Variants in SPIDR observed in about 807,000 individuals in gnomAD.
SPIDR encodes the protein DNA repair-scaffolding protein.
A neutral mutation model predicts 104.6 loss-of-function variants in SPIDR; 93 were observed. The ratio of observed to expected loss-of-function variants is 0.89; its 90% CI spans 0.75 to 1.06. SPIDR has a LOEUF of 1.06. SPIDR is among the 50% of genes least tolerant of loss of function. SPIDR has a pLI of 0.00. For missense variants in SPIDR, 1,154 were observed against 1,111.2 expected (o/e 1.04, Z -0.55); for synonymous variants, 431 against 416.9 (o/e 1.03, Z -0.41).
intron 19 of SPIDR, among the ~76,000 whole-genome samples, chr8:47,730,852 C>G (rs1415985516): frequency 3.9e-5 from 6 of 152,226 alleles, no homozygotes; most frequent in Admixed American, 6.5e-5. Context: ...CCTCTCTCAT[C>G]TAAACCATGT....
intron 10 of SPIDR, among the ~76,000 whole-genome samples, chr8:47,644,035 G>A (rs557330958): frequency 2.0e-5 from 3 of 152,208 alleles, no homozygotes; most frequent in Admixed American, 2.0e-4. Context: ...GGAACTTACG[G>A]GCTGTACCCT....
intron 14 of SPIDR, among the ~76,000 whole-genome samples, chr8:47,706,118 C>T (rs1419844365): frequency 1.3e-5 from 2 of 152,134 alleles, no homozygotes; most frequent in African/African-American, 2.4e-5. Context: ...ACCAGCTGGG[C>T]GCGGTGGCTC....
chr8:47,722,185 TTGAG>T (rs2083498128), intron 16 of SPIDR, among the ~76,000 whole-genome samples: 1 of 152,228 alleles, frequency 6.6e-6, no homozygotes, highest in Admixed American at 6.5e-5. Flanking sequence ...CAATCGTTCA[TTGAG>T]TTTCATAGGA....
chr8:47,669,241 A>G (rs2075447957), intron 10 of SPIDR, among the ~76,000 whole-genome samples: 1 of 152,188 alleles, frequency 6.6e-6, no homozygotes, highest in African/African-American at 2.4e-5. Context: ...TTCTGCTCAG[A>G]CCTGTCACAC....
chr8:47,597,664 C>T (rs2061777783), intron 9 of SPIDR, among the ~76,000 whole-genome samples: 1 of 152,270 alleles, frequency 6.6e-6, no homozygotes, highest in Admixed American at 6.5e-5. Context: ...TCATATTTTG[C>T]TTTTCCACAA....
At chr8:47,713,671 T>A (rs777886530) in intron 16 of SPIDR, 30 bp downstream of exon 16, 12 of 1,612,182 alleles carry the variant, frequency 7.4e-6, no homozygotes, top group Non-Finnish European at 1.0e-5. Context: ...GAATTGGTGC[T>A]TATACTTTCT....
At position 47,261,053 on chromosome 8, in the gene SPIDR, CGGCGCGGGGCT is replaced by C. The variant is rs1045064688; in HGVS notation, c.33+66_33+76del. On this transcript the variant is annotated intron_variant, in intron 1 of 19. Coordinates refer to ENST00000297423, the MANE Select transcript of SPIDR (RefSeq NM_001080394.4). ...CCCGCGTTGCGGGGAAGCGGCGGGC[CGGCGCGGGGCT>C]GGCCCCGTTGTGCTGGGGTGAGAGA... is the stretch of plus-strand genomic sequence containing the variant. 70 of 1,224,720 alleles carry C rather than the reference CGGCGCGGGGCT, an allele frequency of 5.7e-5. No homozygotes were observed. In the African/African-American group the frequency reaches 1.0e-3, roughly 18 times the overall value. The allele number at this position is 1,224,720 out of a possible 1,614,324, so 75.9% of individuals were successfully genotyped here.
chr8:47,701,029 C>G (rs1377490866), intron 12 of SPIDR, among the ~76,000 whole-genome samples: 1 of 152,152 alleles, frequency 6.6e-6, no homozygotes, highest in Non-Finnish European at 1.5e-5. Context: ...GCAGGCTAGC[C>G]AGCTGCTGCT....
chr8:47,406,398 G>A (rs782542934), intron 6 of SPIDR, among the ~76,000 whole-genome samples: 1 of 152,066 alleles, frequency 6.6e-6, no homozygotes, highest in African/African-American at 2.4e-5. Context: ...CCTACTTCAC[G>A]GTGTTGTGTA....
rs914828031 is a variant in SPIDR, at chr8:47,517,929, C to A, written c.1097+77387C>A. On this transcript the variant is annotated intron_variant, in intron 8 of 19. Coordinates refer to ENST00000297423, the MANE Select transcript of SPIDR (RefSeq NM_001080394.4). ...TGCTTCTCCTATTGTATATTATATT[C>A]CTATACATCATAAGAGTTCTTGCCT... Among the ~76,000 whole-genome samples the A allele has an allele frequency of 2.6e-5, 4 of 152,264 alleles. No individual in the cohort carries two copies. The East Asian group carries it at 7.7e-4, about 29-fold the overall frequency.
chr8:47,420,747 T>G lies in SPIDR; in HGVS notation c.877+12786T>G, dbSNP rs2065285157. Reference sequence around the variant, plus strand: ...CAATTTGTCATGTTTTTGCAATGCCTGGTACCAGTTATTCCTTTTCATGTT... The same window carrying G: ...CAATTTGTCATGTTTTTGCAATGCCGGGTACCAGTTATTCCTTTTCATGTT... On this transcript the variant is annotated intron_variant, in intron 7 of 19. Transcript: ENST00000297423. Among the ~76,000 whole-genome samples, 3 of 152,236 alleles carry G rather than the reference T, an allele frequency of 2.0e-5. No homozygotes were observed. In the South Asian group the frequency reaches 6.2e-4, roughly 31 times the overall value.
intron 8 of SPIDR, among the ~76,000 whole-genome samples, chr8:47,451,222 T>C (rs1047807981): frequency 6.6e-6 from 1 of 152,150 alleles, no homozygotes; most frequent in Non-Finnish European, 1.5e-5. Context: ...TCAGTAAAGA[T>C]ACTGAAATTA....
At chr8:47,478,938 T>G (rs1415760794) in intron 8 of SPIDR, among the ~76,000 whole-genome samples, 1 of 152,206 alleles carries the variant, frequency 6.6e-6, no homozygotes, top group African/African-American at 2.4e-5. Flanking sequence ...TCCAAGCCGT[T>G]CTTAGCTTGT....
intron 10 of SPIDR, among the ~76,000 whole-genome samples, chr8:47,648,618 A>G (rs1048258794): frequency 2.6e-5 from 4 of 152,218 alleles, no homozygotes; most frequent in Non-Finnish European, 5.9e-5. Flanking sequence ...AGTAGCTTCT[A>G]AATACCTGAA....
chr8:47,693,737 G>T (rs1160031600), intron 11 of SPIDR, among the ~76,000 whole-genome samples: 2 of 152,360 alleles, frequency 1.3e-5, no homozygotes, highest in Middle Eastern at 3.4e-3. Flanking sequence ...AGGTGGGGCA[G>T]AGGCGCCTCA....
At chr8:47,482,870 C>T (rs12547039) in intron 8 of SPIDR, among the ~76,000 whole-genome samples, 37 of 152,182 alleles carry the variant, frequency 2.4e-4, no homozygotes, top group Non-Finnish European at 3.8e-4. Flanking sequence ...GAGTCTCGCA[C>T]TGTCGCCCAA....
At chr8:47,331,757 A>AT (rs1343864896) in intron 5 of SPIDR, among the ~76,000 whole-genome samples, 8 of 151,692 alleles carry the variant, frequency 5.3e-5, no homozygotes, top group African/African-American at 1.9e-4. Context: ...CTTCTTCTTC[A>AT]TTTTTTTCAC....
chr8:47,730,901 A>G (rs549867854), intron 19 of SPIDR, among the ~76,000 whole-genome samples: 1 of 152,342 alleles, frequency 6.6e-6, no homozygotes, highest in Admixed American at 6.5e-5. Context: ...GGATAAGTCT[A>G]TGAGCGGGAT....
intron 2 of SPIDR, among the ~76,000 whole-genome samples, chr8:47,282,527 CT>C (rs2037993809): frequency 6.6e-6 from 1 of 152,250 alleles, no homozygotes; most frequent in Admixed American, 6.5e-5. Flanking sequence ...TAGCTTCAGA[CT>C]TTTCTTCTCC....
Sources: allele counts gnomAD v4.1 joint callset (sites outside exome capture counted in the v4.1 genomes callset), GRCh38; gene constraint gnomAD v4.1.1; transcripts MANE v1.5; gene names NCBI Gene and HGNC (gene_info 2026-07-23, HGNC 2026-07-21).